The following FYN variants were observed in gnomAD, a reference collection of about 807,000 sequenced individuals.
The protein encoded by FYN is tyrosine-protein kinase Fyn.
A neutral mutation model predicts 70.2 loss-of-function variants in FYN; 10 were observed. The ratio of observed to expected loss-of-function variants is 0.14; its 90% CI spans 0.09 to 0.24. FYN has a LOEUF of 0.24. FYN is among the 10% of genes least tolerant of loss of function. The pLI is 1.00. For missense variants in FYN, 319 were observed against 673.1 expected (o/e 0.47, Z 5.82); for synonymous variants, 236 against 248.6 (o/e 0.95, Z 0.48).
intron 3 of FYN, among the ~76,000 whole-genome samples, chr6:111,773,330 G>C (rs868128913): frequency 1.1e-4 from 8 of 71,426 alleles, no homozygotes; most frequent in African/African-American, 4.5e-4. Context: ...GGGGGAGGGA[G>C]AGGGAAAGGG....
intron 1 of FYN, among the ~76,000 whole-genome samples, chr6:111,872,008 C>T (rs926423328): frequency 6.6e-6 from 1 of 152,330 alleles, no homozygotes; most frequent in South Asian, 2.1e-4. Context: ...CAAGAAGCAT[C>T]GTGCCTATCC....
intron 2 of FYN, among the ~76,000 whole-genome samples, chr6:111,832,791 C>T (rs1334805547): frequency 6.6e-6 from 1 of 152,014 alleles, no homozygotes; most frequent in Non-Finnish European, 1.5e-5. Flanking sequence ...TTCAAATAGA[C>T]AATACTAGTC....
chr6:111,794,911 G>A (rs1771753720), intron 2 of FYN, among the ~76,000 whole-genome samples: 1 of 152,004 alleles, frequency 6.6e-6, no homozygotes, highest in Admixed American at 6.5e-5. Context: ...TGTGCCTCTG[G>A]GCCTGTCTCC....
intron 1 of FYN, among the ~76,000 whole-genome samples, chr6:111,860,822 TCTAACA>T (rs1324007246): frequency 6.6e-6 from 1 of 152,114 alleles, no homozygotes; most frequent in Non-Finnish European, 1.5e-5. Context: ...GAGAACAACC[TCTAACA>T]CTTGGCAGTC....
At chr6:111,734,291 G>A (rs755764855) in intron 3 of FYN, among the ~76,000 whole-genome samples, 6 of 152,184 alleles carry the variant, frequency 3.9e-5, no homozygotes, top group Non-Finnish European at 8.8e-5. Flanking sequence ...ACCTGACCAA[G>A]TGCTCAGGTT....
chr6:111,822,427 C>A (rs1772694740), intron 2 of FYN, among the ~76,000 whole-genome samples: 1 of 151,458 alleles, frequency 6.6e-6, no homozygotes. Context: ...GGGAATTGAA[C>A]AATGAGAACA....
chr6:111,762,872 T>C (rs867363394), intron 3 of FYN, among the ~76,000 whole-genome samples: 3 of 152,186 alleles, frequency 2.0e-5, no homozygotes, highest in Admixed American at 6.5e-5. Context: ...AGTCCTCGCA[T>C]TCAAATGGCT....
chr6:111,760,655 T>C (rs6568706), intron 3 of FYN, among the ~76,000 whole-genome samples: 70,532 of 152,086 alleles, frequency 0.46, 16,561 homozygotes, highest in East Asian at 0.62. Context: ...GGGCCTCCCC[T>C]CAAGCTGGGA....
intron 3 of FYN, among the ~76,000 whole-genome samples, chr6:111,750,217 G>A (rs1318863217): frequency 6.6e-6 from 1 of 152,184 alleles, no homozygotes; most frequent in East Asian, 1.9e-4. Context: ...GAGGCCTGGT[G>A]GGAGGTAATT....
chr6:111,738,631 G>A (rs1361503777), intron 3 of FYN, among the ~76,000 whole-genome samples: 2 of 152,228 alleles, frequency 1.3e-5, no homozygotes, highest in African/African-American at 4.8e-5. Context: ...TGAGCAAGAT[G>A]TGGCTCAAAA....
At chr6:111,865,904 T>C (rs2114532483) in intron 1 of FYN, among the ~76,000 whole-genome samples, 1 of 152,378 alleles carries the variant, frequency 6.6e-6, no homozygotes, top group African/African-American at 2.4e-5. Context: ...ATGAAGGTGC[T>C]GCATTTCTTA....
intron 12 of FYN, among the ~76,000 whole-genome samples, chr6:111,689,369 C>T (rs927267231): frequency 3.9e-5 from 6 of 152,214 alleles, no homozygotes; most frequent in Admixed American, 2.6e-4. Context: ...GTGTATTCAC[C>T]TTTTTAAAAA....
rs113463804 is a variant in FYN at position 111,829,426 on chromosome 6, C to T, written c.-82+17163G>A. Among the ~76,000 whole-genome samples, 888 of 152,266 alleles carry T rather than the reference C, an allele frequency of 5.8e-3. 5 individuals carry two copies. The highest frequency in any genetic ancestry group is 0.02 in the African/African-American group (846 of 41,536). On this transcript the variant is annotated intron_variant, in intron 2 of 13. Transcript: ENST00000354650. ...GAAAAGTACCAAGGGCTATTCAAAA[C>T]GTAGGATAATTAGTAAGTATGTACT...
chr6:111,778,757 GTGCTGGGAT>G (rs1447452844), intron 3 of FYN, among the ~76,000 whole-genome samples: 3 of 151,990 alleles, frequency 2.0e-5, no homozygotes, highest in African/African-American at 7.3e-5. Context: ...GCCTCCTAAA[GTGCTGGGAT>G]TGCAGGCGTG....
intron 12 of FYN, among the ~76,000 whole-genome samples, chr6:111,692,352 A>G (rs1019407509): frequency 6.6e-5 from 10 of 152,150 alleles, no homozygotes; most frequent in African/African-American, 1.9e-4. Context: ...AGCCGGCAGA[A>G]GGGCAATCAG....
intron 2 of FYN, among the ~76,000 whole-genome samples, chr6:111,824,937 T>A (rs1772785059): frequency 6.6e-6 from 1 of 152,232 alleles, no homozygotes; most frequent in South Asian, 2.1e-4. Context: ...TAAGGAATTG[T>A]TTAAAGTTTT....
chr6:111,791,147 C>A (rs75517466), intron 2 of FYN, among the ~76,000 whole-genome samples: 2,197 of 152,152 alleles, frequency 0.014, 21 homozygotes, highest in Admixed American at 0.023. Flanking sequence ...ACTTATTCTA[C>A]CAGATACAAA....
chr6:111,707,437 C>T (rs1800144058), intron 6 of FYN, among the ~76,000 whole-genome samples: 2 of 152,188 alleles, frequency 1.3e-5, no homozygotes, highest in African/African-American at 2.4e-5. Context: ...GGGGGACACA[C>T]TGTATGTGAG....
chr6:111,671,716 C>T (rs1244841884), intron 13 of FYN, among the ~76,000 whole-genome samples: 1 of 152,174 alleles, frequency 6.6e-6, no homozygotes, highest in East Asian at 1.9e-4. Context: ...CGCACACTGA[C>T]TGACTTGCCA....
Sources: gnomAD v4.1 joint callset for allele counts (sites outside exome capture counted in the v4.1 genomes callset) on GRCh38, gnomAD v4.1.1 for gene constraint, MANE v1.5 for transcripts, NCBI Gene and HGNC (gene_info 2026-07-23, HGNC 2026-07-21) for gene names.